RAB11FIP3: variants seen among roughly 807,000 people sequenced by gnomAD.
RAB11FIP3 encodes the protein rab11 family-interacting protein 3.
RAB11FIP3 carries 17 observed loss-of-function variants against 77.8 expected under a neutral mutation model. The ratio of observed to expected loss-of-function variants is 0.22; its 90% confidence interval spans 0.15 to 0.33. The LOEUF (loss-of-function observed/expected upper bound fraction) is 0.33, where lower values mean the gene tolerates loss of function less well. Ranked by LOEUF, RAB11FIP3 falls within the 10% of genes least tolerant of loss-of-function variation. The pLI, the probability that RAB11FIP3 is intolerant of heterozygous loss-of-function variation, is 1.00. For missense variants in RAB11FIP3, 1,005 were observed against 1,011.2 expected (o/e 0.99, Z 0.08); for synonymous variants, 437 against 448.2 (o/e 0.98, Z 0.31).
chr16:435,630 G>C (rs1272121371), intron 1 of RAB11FIP3, among the ~76,000 whole-genome samples: 3 of 152,140 alleles, frequency 2.0e-5, no homozygotes, highest in Non-Finnish European at 2.9e-5. Flanking sequence ...ATGGTGGGAA[G>C]GGTTTTATTT....
chr16:450,526 C>T (rs910280045), intron 1 of RAB11FIP3, among the ~76,000 whole-genome samples: 3 of 152,124 alleles, frequency 2.0e-5, no homozygotes, highest in African/African-American at 4.8e-5. Context: ...CCTTTACTTC[C>T]GCTCAGGGGT....
intron 1 of RAB11FIP3, among the ~76,000 whole-genome samples, chr16:438,679 TG>T (rs1350700540): frequency 7.0e-6 from 1 of 142,592 alleles, no homozygotes; most frequent in Non-Finnish European, 1.5e-5. Flanking sequence ...CCAATGTGTC[TG>T]GCCTTTTAAA....
Position 488,996 on chromosome 16 carries a change from C to A in RAB11FIP3, c.1261C>A (p.Pro421Thr), listed in dbSNP as rs752750674. The A allele has an allele frequency of 8.1e-6, 13 of 1,613,522 alleles. No homozygotes were observed. The highest frequency in any genetic ancestry group is 1.7e-4 in the Middle Eastern group (1 of 6,060). ...LGCSDPAFLT[P>T]SPTKRLSSKK... Reference sequence around the variant, plus strand: ...CTGCAGTGACCCCGCTTTCCTCACGCCCAGGTAATGACGCCTTGTTCCAGC... The same window carrying A: ...CTGCAGTGACCCCGCTTTCCTCACGACCAGGTAATGACGCCTTGTTCCAGC... Residue 421 changes from proline to threonine, a missense_variant, in exon 5 of 14, where the codon CCC (proline) becomes ACC (threonine). By Grantham distance (38) the Pro-to-Thr change is conservative. Transcript: ENST00000262305.
In RAB11FIP3 at chr16:426,800, G is replaced by C. The variant is rs903946609; in HGVS notation, c.714+80G>C. ...CGGGGTTGATGTGGGACCGGTCGACGCTGCCCCTGGAGTCGGGAAAGGCAC... is the reference window on the plus strand; with the variant it reads ...CGGGGTTGATGTGGGACCGGTCGACCCTGCCCCTGGAGTCGGGAAAGGCAC... On this transcript the variant is annotated intron_variant, in intron 1 of 13. Transcript: ENST00000262305. The surrounding 1 kb of genome is among the most constrained non-coding windows in gnomAD (Gnocchi z 5.0). The C allele has an allele frequency of 5.0e-6, 6 of 1,188,578 alleles. No individual in the cohort carries two copies. The highest frequency in any genetic ancestry group is 4.6e-6 in the Non-Finnish European group (4 of 873,914). 73.6% of individuals were successfully genotyped at this position (1,188,578 alleles called of 1,614,324 possible).
At chr16:446,334 G>C (rs994510268) in intron 1 of RAB11FIP3, among the ~76,000 whole-genome samples, 1 of 152,232 alleles carries the variant, frequency 6.6e-6, no homozygotes, top group African/African-American at 2.4e-5. Flanking sequence ...AAGCAGAACA[G>C]TGGTACCCAG....
chr16:475,155 G>T, intron 3 of RAB11FIP3: 1 of 1,500,494 alleles, frequency 6.7e-7, no homozygotes. Flanking sequence ...GTGGTGGAGA[G>T]AGGCTCAGGG....
rs1240328306 is a variant in RAB11FIP3 at position 472,665 on chromosome 16, G to A, written c.903+1276G>A. Among the ~76,000 whole-genome samples the A allele has an allele frequency of 6.6e-6, 1 of 152,188 alleles. No homozygotes were observed. Among genetic ancestry groups the A allele is most frequent in the Non-Finnish European group, 1.5e-5 (1 of 68,032 alleles). On this transcript the variant is annotated intron_variant, in intron 3 of 13. Coordinates refer to ENST00000262305, the MANE Select transcript of RAB11FIP3 (RefSeq NM_014700.4). This position sits in a 1 kb window ranked among gnomAD's most constrained non-coding sequence, Gnocchi z 4.1. ...CATGTGCCTGTGCACTCTTTCTCAC[G>A]TGTATCCGTCTTTTTGTTCCCCTCT...
intron 1 of RAB11FIP3, among the ~76,000 whole-genome samples, chr16:447,926 C>G (rs951195004): frequency 1.4e-4 from 21 of 150,766 alleles, no homozygotes; most frequent in African/African-American, 4.6e-4. Flanking sequence ...ACGGGCCAGG[C>G]ACAATGAATT....
intron 1 of RAB11FIP3, among the ~76,000 whole-genome samples, chr16:438,918 G>C (rs1364684197): frequency 3.3e-5 from 5 of 152,272 alleles, no homozygotes; most frequent in Admixed American, 6.5e-5. Context: ...TCCATGTCTT[G>C]ACCTTGTGAT....
chr16:440,215 G>A (rs965580346), intron 1 of RAB11FIP3, among the ~76,000 whole-genome samples: 1 of 152,096 alleles, frequency 6.6e-6, no homozygotes, highest in African/African-American at 2.4e-5. Context: ...GTGCCTTATA[G>A]TTGCATAAAA....
rs886622635 is a variant in RAB11FIP3 at position 505,210 on chromosome 16, A to T, written c.1396-314A>T. On this transcript the variant is annotated intron_variant, in intron 7 of 13. Transcript: ENST00000262305. This position sits in a 1 kb window ranked among gnomAD's most constrained non-coding sequence, Gnocchi z 4.0. Reference sequence around the variant, plus strand: ...CTGCATCTGGCTGAGCAGAGACCCAACTGTGTGTTGGGGGGCTGAGTCTTG... The same window carrying T: ...CTGCATCTGGCTGAGCAGAGACCCATCTGTGTGTTGGGGGGCTGAGTCTTG... Among the ~76,000 whole-genome samples, 1 of 151,664 alleles carries T rather than the reference A, an allele frequency of 6.6e-6. No homozygotes were observed. Among genetic ancestry groups the T allele is most frequent in the Admixed American group, 6.6e-5 (1 of 15,236 alleles).
intron 2 of RAB11FIP3, among the ~76,000 whole-genome samples, chr16:468,157 G>GAA (rs1483686739): frequency 1.8e-5 from 2 of 108,248 alleles, no homozygotes; most frequent in Admixed American, 8.5e-5. Flanking sequence ...GAGGTGCAGG[G>GAA]GCCTCAGGGA....
Position 506,924 on chromosome 16 carries a change from C to T in RAB11FIP3, c.1499+1297C>T, listed in dbSNP as rs1173299212. 1.3e-5 allele frequency among the ~76,000 whole-genome samples: 2 copies of T among 152,238 alleles called. No individual in the cohort carries two copies. Among genetic ancestry groups the T allele is most frequent in the South Asian group, 2.1e-4 (1 of 4,822 alleles). ...GCAGTGCCACCAAAGACCACTGTCT[C>T]CTCCTTGTCAAGGAGAATCCGGGGG... On this transcript the variant is annotated intron_variant, in intron 8 of 13. Coordinates refer to ENST00000262305, the MANE Select transcript of RAB11FIP3 (RefSeq NM_014700.4). The surrounding 1 kb of genome is among the most constrained non-coding windows in gnomAD (Gnocchi z 4.5).
Position 507,304 on chromosome 16 carries a change from G to A in RAB11FIP3, c.1499+1677G>A, listed in dbSNP as rs1479472510. On this transcript the variant is annotated intron_variant, in intron 8 of 13. Coordinates refer to ENST00000262305, the MANE Select transcript of RAB11FIP3 (RefSeq NM_014700.4). This position sits in a 1 kb window ranked among gnomAD's most constrained non-coding sequence, Gnocchi z 4.6. ...ATTTTTGTATTTTTAGTAGAGACGGGGTTTCACCATATTGACCAGGCTGGT... is the reference window on the plus strand; with the variant it reads ...ATTTTTGTATTTTTAGTAGAGACGGAGTTTCACCATATTGACCAGGCTGGT... 6.6e-6 allele frequency among the ~76,000 whole-genome samples: 1 copy of A among 152,152 alleles called. No individual in the cohort carries two copies. Among genetic ancestry groups the A allele is most frequent in the African/African-American group, 2.4e-5 (1 of 41,420 alleles).
At position 514,811 on chromosome 16, in the gene RAB11FIP3, G is replaced by A. The variant is rs766749131; in HGVS notation, c.1640+4011G>A. Among the ~76,000 whole-genome samples the A allele has an allele frequency of 1.9e-4, 29 of 152,310 alleles. No individual in the cohort carries two copies. Among genetic ancestry groups the A allele is most frequent in the African/African-American group, 4.6e-4 (19 of 41,570 alleles). Reference sequence around the variant, plus strand: ...CCACAGTGGCATGTCCACAGAGACCGGGGCCTGATTTGCAGCTTGTGGCAC... The same window carrying A: ...CCACAGTGGCATGTCCACAGAGACCAGGGCCTGATTTGCAGCTTGTGGCAC... On this transcript the variant is annotated intron_variant, in intron 9 of 13. Transcript: ENST00000262305. The surrounding 1 kb of genome is among the most constrained non-coding windows in gnomAD (Gnocchi z 4.6).
At chr16:466,566 G>A (rs1258414328) in intron 2 of RAB11FIP3, among the ~76,000 whole-genome samples, 3 of 152,224 alleles carry the variant, frequency 2.0e-5, no homozygotes, top group Non-Finnish European at 1.5e-5. Flanking sequence ...GGAGGAGCCC[G>A]ATGCTCTGTC....
In RAB11FIP3 at chr16:449,148, C is replaced by T. The variant is rs552413397; in HGVS notation, c.715-12256C>T. Among the ~76,000 whole-genome samples the T allele has an allele frequency of 3.3e-5, 5 of 152,192 alleles. No homozygotes were observed. The South Asian group carries it at 8.3e-4, about 25-fold the overall frequency. The stretch of plus-strand genomic sequence containing the variant: ...AACCTCACTTCCAGCTGCCGGCCCC[C>T]TGCTCACTCTGCTCCTGACACTCCA... On this transcript the variant is annotated intron_variant, in intron 1 of 13. Coordinates refer to ENST00000262305, the MANE Select transcript of RAB11FIP3 (RefSeq NM_014700.4).
intron 1 of RAB11FIP3, among the ~76,000 whole-genome samples, chr16:428,093 T>C (rs1343404374): frequency 2.6e-5 from 3 of 116,712 alleles, no homozygotes; most frequent in Non-Finnish European, 3.4e-5. Flanking sequence ...AGAGCGAGAC[T>C]TCGTCTCAAA....
Position 517,427 on chromosome 16 carries a change from G to A in RAB11FIP3, c.1641-1516G>A, listed in dbSNP as rs972031812. On this transcript the variant is annotated intron_variant, in intron 9 of 13. Transcript: ENST00000262305. ...TGCAAAAAATTTAAAAATTAGCCAC[G>A]TGTGGTGGGGCACACGTGTACTCCC... Among the ~76,000 whole-genome samples the A allele has an allele frequency of 6.6e-5, 10 of 152,150 alleles. 1 individual carries two copies. The highest frequency in any genetic ancestry group is 4.1e-4 in the South Asian group (2 of 4,822).
Sources: allele counts gnomAD v4.1 joint callset (sites outside exome capture counted in the v4.1 genomes callset), GRCh38; gene constraint gnomAD v4.1.1; non-coding constraint Gnocchi (gnomAD v3.1); transcripts MANE v1.5; gene names NCBI Gene and HGNC (gene_info 2026-07-23, HGNC 2026-07-21).